Variants in PPP2R2B observed in about 807,000 individuals in gnomAD.
PPP2R2B encodes serine/threonine-protein phosphatase 2A 55 kDa regulatory subunit B beta isoform.
PPP2R2B carries 5 observed loss-of-function variants against 46.0 expected under a neutral mutation model. That is an observed-to-expected ratio of 0.11 (90% CI 0.06 to 0.23). The LOEUF (loss-of-function observed/expected upper bound fraction) is 0.23. Among genes scored for constraint, PPP2R2B ranks in the 10% least tolerant of loss-of-function variants. The pLI is 1.00. For missense variants in PPP2R2B, 367 were observed against 575.0 expected (o/e 0.64, Z 3.70); for synonymous variants, 215 against 206.7 (o/e 1.04, Z -0.34).
chr5:147,009,898 C>CACATAT lies in PPP2R2B; in HGVS notation c.79+45766_79+45767insATATGT, dbSNP rs781463815. ...ACACACACACACACACACACACACACATATATATATAGGACCTGGAGATAA... is the reference window on the plus strand; with the variant it reads ...ACACACACACACACACACACACACACACATATATATATATATAGGACCTGGAGATAA... On this transcript the variant is annotated intron_variant, in intron 1 of 8. Transcript: ENST00000336640. Among the ~76,000 whole-genome samples, 1,212 of 145,556 alleles carry CACATAT rather than the reference C, an allele frequency of 8.3e-3. 11 individuals carry two copies. The highest frequency in any genetic ancestry group is 0.021 in the African/African-American group (818 of 38,884).
chr5:146,680,411 G>A (rs1351502824), intron 5 of PPP2R2B, among the ~76,000 whole-genome samples: 1 of 150,506 alleles, frequency 6.6e-6, no homozygotes, highest in Non-Finnish European at 1.5e-5. Context: ...GGGGTGGGGA[G>A]GGAGGGATAG....
intron 1 of PPP2R2B, among the ~76,000 whole-genome samples, chr5:146,927,981 C>T (rs1019680680): frequency 1.3e-5 from 2 of 152,076 alleles, no homozygotes; most frequent in Non-Finnish European, 2.9e-5. Context: ...ACCTCGTGAT[C>T]CACCCGCCTT....
At chr5:146,654,553 T>C (rs1362980278) in intron 5 of PPP2R2B, among the ~76,000 whole-genome samples, 2 of 152,180 alleles carry the variant, frequency 1.3e-5, no homozygotes, top group South Asian at 2.1e-4. Flanking sequence ...GGACATCATC[T>C]GTGTGTGTGG....
At chr5:146,631,874 G>T (rs1297121700) in intron 7 of PPP2R2B, among the ~76,000 whole-genome samples, 1 of 152,078 alleles carries the variant, frequency 6.6e-6, no homozygotes, top group African/African-American at 2.4e-5. Context: ...ATGTGTCAGG[G>T]GCTGTGCAAG....
At chr5:146,687,375 T>A (rs58202603) in intron 5 of PPP2R2B, among the ~76,000 whole-genome samples, 20,011 of 151,934 alleles carry the variant, frequency 0.13, 1,664 homozygotes, top group African/African-American at 0.24. Flanking sequence ...TCTTGGGTAT[T>A]CTACTTAACT....
In PPP2R2B at chr5:146,867,326, C is replaced by T. The variant is rs532509332; in HGVS notation, c.70+10676G>A. Among the ~76,000 whole-genome samples the T allele has an allele frequency of 1.2e-3, 180 of 152,254 alleles. 1 individual carries two copies. Among genetic ancestry groups the T allele is most frequent in the African/African-American group, 4.2e-3 (176 of 41,532 alleles). ...AGTTCATGCAAGAAAAATATTACAA[C>T]CCCTAATCAGCAGATCCATACTCAA... is the stretch of plus-strand genomic sequence containing the variant. On this transcript the variant is annotated intron_variant, in intron 2 of 9. Coordinates refer to ENST00000394411, the MANE Select transcript of PPP2R2B (RefSeq NM_181675.4).
intron 2 of PPP2R2B, among the ~76,000 whole-genome samples, chr5:146,747,144 GA>G (rs1753244219): frequency 2.0e-5 from 3 of 151,746 alleles, no homozygotes; most frequent in Non-Finnish European, 2.9e-5. Flanking sequence ...AGAATACCAG[GA>G]AAAAAAAGGT....
intron 2 of PPP2R2B, among the ~76,000 whole-genome samples, chr5:146,797,662 T>A (rs1177740504): frequency 6.6e-6 from 1 of 152,214 alleles, no homozygotes; most frequent in Non-Finnish European, 1.5e-5. Flanking sequence ...TGTCATCAAA[T>A]GGTATTTATT....
chr5:147,077,703 G>T (rs1331112760), intron 2 of PPP2R2B, among the ~76,000 whole-genome samples: 1 of 152,122 alleles, frequency 6.6e-6, no homozygotes, highest in African/African-American at 2.4e-5. Flanking sequence ...CATGCCAGTG[G>T]CTGTGTGTTT....
intron 1 of PPP2R2B, among the ~76,000 whole-genome samples, chr5:146,980,666 G>A (rs1366841902): frequency 6.6e-6 from 1 of 152,032 alleles, no homozygotes; most frequent in Non-Finnish European, 1.5e-5. Context: ...GTTTTTTTAT[G>A]TATTCTAATT....
At chr5:147,068,012 CT>C (rs1036581277) in intron 2 of PPP2R2B, among the ~76,000 whole-genome samples, 74 of 152,168 alleles carry the variant, frequency 4.9e-4, no homozygotes, top group African/African-American at 1.7e-3. Flanking sequence ...TGTAAATAAT[CT>C]TTTTAGTAAA....
chr5:146,699,773 A>G (rs912376189), intron 3 of PPP2R2B, among the ~76,000 whole-genome samples: 1 of 150,778 alleles, frequency 6.6e-6, no homozygotes, highest in African/African-American at 2.4e-5. Context: ...TCATTTGCAG[A>G]GAGAGCCAGT....
At chr5:146,988,992 G>A (rs542206045) in intron 1 of PPP2R2B, among the ~76,000 whole-genome samples, 1 of 151,824 alleles carries the variant, frequency 6.6e-6, no homozygotes, top group Admixed American at 6.6e-5. Flanking sequence ...AAATAAATTG[G>A]TAAACCTAGA....
intron 7 of PPP2R2B, among the ~76,000 whole-genome samples, chr5:146,633,429 A>T (rs1774573626): frequency 6.6e-6 from 1 of 152,244 alleles, no homozygotes; most frequent in Non-Finnish European, 1.5e-5. Context: ...GAGAAAATCA[A>T]TATGAAATGT....
chr5:146,663,981 A>C (rs1404016437), intron 5 of PPP2R2B, among the ~76,000 whole-genome samples: 3 of 152,074 alleles, frequency 2.0e-5, no homozygotes, highest in African/African-American at 7.2e-5. Flanking sequence ...AGCTGGGATT[A>C]CAGGCACGTG....
chr5:146,597,982 T>C (rs1454941169), intron 8 of PPP2R2B, among the ~76,000 whole-genome samples: 2 of 152,232 alleles, frequency 1.3e-5, no homozygotes, highest in African/African-American at 4.8e-5. Flanking sequence ...CTCTCTCTAG[T>C]GGCTTATTCC....
intron 1 of PPP2R2B, among the ~76,000 whole-genome samples, chr5:147,032,287 T>C (rs1431330171): frequency 6.6e-6 from 1 of 152,002 alleles, no homozygotes; most frequent in African/African-American, 2.4e-5. Context: ...CCAACAAATA[T>C]ATGAAAAAAT....
chr5:146,912,859 C>T (rs982903394), intron 1 of PPP2R2B, among the ~76,000 whole-genome samples: 3 of 152,082 alleles, frequency 2.0e-5, no homozygotes, highest in Non-Finnish European at 4.4e-5. Flanking sequence ...ATAACAAACA[C>T]CAAGTAAGTC....
intron 2 of PPP2R2B, among the ~76,000 whole-genome samples, chr5:146,806,184 AAC>A (rs1390645475): frequency 6.6e-6 from 1 of 152,174 alleles, no homozygotes; most frequent in Non-Finnish European, 1.5e-5. Flanking sequence ...CACAAGCAGA[AAC>A]ACGCCTTTAT....
Sources: allele counts gnomAD v4.1 joint callset (sites outside exome capture counted in the v4.1 genomes callset), GRCh38; gene constraint gnomAD v4.1.1; transcripts MANE v1.5; gene names NCBI Gene and HGNC (gene_info 2026-07-23, HGNC 2026-07-21).